AGPAT5: variants seen among roughly 807,000 people sequenced by gnomAD.
The protein encoded by AGPAT5 is 1-acylglycerol-3-phosphate O-acyltransferase 5.
A neutral mutation model predicts 45.6 loss-of-function variants in AGPAT5; 46 were observed. The observed-to-expected ratio is 1.01, with a 90% CI of 0.80 to 1.29. The LOEUF is 1.29. Ranked by LOEUF, AGPAT5 falls within the 50% of genes most tolerant of loss-of-function variation. The probability of loss-of-function intolerance (pLI) is 0.00; values close to 1 mark genes in which losing one functional copy is unlikely to be tolerated. For synonymous variants in AGPAT5, 272 were observed against 167.0 expected (o/e 1.63, Z -4.85); for missense variants, 673 against 450.7 (o/e 1.49, Z -4.47).
chr8:6,717,267 A>G (rs539107836), intron 1 of AGPAT5, among the ~76,000 whole-genome samples: 162 of 152,298 alleles, frequency 1.1e-3, no homozygotes, highest in African/African-American at 3.6e-3. Context: ...AGAAAGTGTT[A>G]CTTGAAGATT....
In AGPAT5 at chr8:6,761,073, C is replaced by T. The variant is rs1802025875; in HGVS notation, c.*3685C>T. Among the ~76,000 whole-genome samples the T allele has an allele frequency of 6.6e-6, 1 of 152,026 alleles. No individual in the cohort carries two copies. Among genetic ancestry groups the T allele is most frequent in the Non-Finnish European group, 1.5e-5 (1 of 68,018 alleles). On this transcript the variant is annotated 3_prime_UTR_variant, in exon 8 of 8. Coordinates refer to ENST00000285518, the MANE Select transcript of AGPAT5 (RefSeq NM_018361.5). The stretch of plus-strand genomic sequence containing the variant: ...CATATATGAGGTCAAAGACATATAC[C>T]TTGTTATTATAATATGTATACTATA...
chr8:6,728,170 C>A (rs1800750047), intron 2 of AGPAT5, among the ~76,000 whole-genome samples: 1 of 152,190 alleles, frequency 6.6e-6, no homozygotes, highest in African/African-American at 2.4e-5. Flanking sequence ...TCCTCTCCTC[C>A]AAGTTAATGG....
intron 1 of AGPAT5, among the ~76,000 whole-genome samples, chr8:6,722,338 G>A (rs985285347): frequency 5.9e-5 from 9 of 152,162 alleles, no homozygotes; most frequent in African/African-American, 2.2e-4. Flanking sequence ...TAGCATATTT[G>A]GGTGTGGCAT....
intron 7 of AGPAT5, among the ~76,000 whole-genome samples, chr8:6,756,694 G>A (rs1294601414): frequency 1.3e-5 from 2 of 151,396 alleles, no homozygotes; most frequent in Non-Finnish European, 1.5e-5. Context: ...TCAGGGACTT[G>A]AGCATCCTTT....
At chr8:6,717,313 T>C (rs1474206108) in intron 1 of AGPAT5, among the ~76,000 whole-genome samples, 1 of 152,150 alleles carries the variant, frequency 6.6e-6, no homozygotes, top group Non-Finnish European at 1.5e-5. Context: ...GTAAGTAATA[T>C]TTGGAAGACG....
chr8:6,745,902 C>T (rs1426953007), intron 5 of AGPAT5: 2 of 152,094 alleles, frequency 1.3e-5, no homozygotes, highest in Non-Finnish European at 2.9e-5. Flanking sequence ...TGTTTTGTTC[C>T]TTCAGCCTCA....
intron 4 of AGPAT5, among the ~76,000 whole-genome samples, chr8:6,737,957 C>T (rs867698323): frequency 1.3e-5 from 2 of 152,184 alleles, no homozygotes; most frequent in African/African-American, 4.8e-5. Flanking sequence ...GAGTTAGGGC[C>T]TTGCTCTGGA....
At chr8:6,711,576 A>G (rs1257503915) in intron 1 of AGPAT5, among the ~76,000 whole-genome samples, 6 of 152,332 alleles carry the variant, frequency 3.9e-5, no homozygotes, top group South Asian at 2.1e-4. Flanking sequence ...GTTGAGAGGC[A>G]TTGATTCAAG....
intron 2 of AGPAT5, 82 bp downstream of exon 2, chr8:6,725,021 G>A (rs890369134): frequency 2.1e-6 from 1 of 468,156 alleles, no homozygotes; most frequent in African/African-American, 2.0e-5. Flanking sequence ...ATATTTAAAT[G>A]AAGTGGGTTT....
At chr8:6,736,617 G>A (rs1169605073) in intron 4 of AGPAT5, among the ~76,000 whole-genome samples, 1 of 152,220 alleles carries the variant, frequency 6.6e-6, no homozygotes, top group Non-Finnish European at 1.5e-5. Flanking sequence ...GTGGAAATCA[G>A]TTGAAGCCTC....
intron 3 of AGPAT5, 79 bp downstream of exon 3, chr8:6,730,905 T>C: frequency 1.1e-6 from 1 of 917,716 alleles, no homozygotes. Flanking sequence ...AGTCTCACTT[T>C]ATTGCTCAGG....
chr8:6,736,265 A>G (rs888221140), intron 4 of AGPAT5, among the ~76,000 whole-genome samples: 4 of 152,228 alleles, frequency 2.6e-5, no homozygotes, highest in African/African-American at 7.2e-5. Flanking sequence ...ACAGATTTTT[A>G]TTCAGACTTT....
chr8:6,711,326 T>C (rs1800150051), intron 1 of AGPAT5, among the ~76,000 whole-genome samples: 1 of 152,234 alleles, frequency 6.6e-6, no homozygotes, highest in Non-Finnish European at 1.5e-5. Flanking sequence ...CCAATTTCAC[T>C]ACTTTATTTT....
chr8:6,753,086 C>T (rs1483220782), intron 6 of AGPAT5, among the ~76,000 whole-genome samples: 2 of 152,226 alleles, frequency 1.3e-5, no homozygotes, highest in Non-Finnish European at 2.9e-5. Context: ...AAATAATTAA[C>T]ATACTCAAAA....
chr8:6,725,259 A>G (rs1342945989), intron 2 of AGPAT5, among the ~76,000 whole-genome samples: 2 of 152,168 alleles, frequency 1.3e-5, no homozygotes, highest in African/African-American at 4.8e-5. Context: ...TAGAAGTAGC[A>G]TTGGTGGGTC....
chr8:6,714,067 C>G (rs888374974), intron 1 of AGPAT5, among the ~76,000 whole-genome samples: 10 of 152,282 alleles, frequency 6.6e-5, no homozygotes, highest in African/African-American at 2.4e-4. Context: ...GTCATCTAGT[C>G]TACTCCCTTT....
chr8:6,713,131 G>C (rs1182730238), intron 1 of AGPAT5, among the ~76,000 whole-genome samples: 3 of 152,126 alleles, frequency 2.0e-5, no homozygotes, highest in Admixed American at 6.5e-5. Flanking sequence ...ATTATTTCTA[G>C]CTAATTTTTA....
At chr8:6,737,177 C>T (rs1366423264) in intron 4 of AGPAT5, among the ~76,000 whole-genome samples, 3 of 152,284 alleles carry the variant, frequency 2.0e-5, no homozygotes, top group East Asian at 1.9e-4. Context: ...TTCAAGAGGC[C>T]GTGCTGAGCA....
chr8:6,732,511 A>G, intron 3 of AGPAT5, 50 bp from the exon 4 acceptor site: 2 of 1,499,628 alleles, frequency 1.3e-6, no homozygotes, highest in Admixed American at 4.5e-5. Context: ...GACTCTGGCC[A>G]ATTGTTATTT....
Sources: gnomAD v4.1 joint callset for allele counts (sites outside exome capture counted in the v4.1 genomes callset) on GRCh38, gnomAD v4.1.1 for gene constraint, MANE v1.5 for transcripts, NCBI Gene and HGNC (gene_info 2026-07-23, HGNC 2026-07-21) for gene names.